Variants in RFX1 observed in about 807,000 individuals in gnomAD.
The protein encoded by RFX1 is regulatory factor X1.
Under a neutral mutation model 119.6 loss-of-function variants are expected in RFX1, and 42 were observed. That is an observed-to-expected ratio of 0.35 (90% CI 0.27 to 0.45). The LOEUF is 0.45. Among genes scored for constraint, RFX1 ranks in the 20% least tolerant of loss-of-function variants. The pLI is 1.00. For missense variants in RFX1, 1,118 were observed against 1,368.1 expected (o/e 0.82, Z 2.88); for synonymous variants, 628 against 618.5 (o/e 1.02, Z -0.23).
In RFX1 at chr19:14,005,648, T is replaced by C. The variant is rs1005438621; in HGVS notation, c.-53+455A>G. On this transcript the variant is annotated intron_variant, in intron 1 of 20. Transcript: ENST00000254325. ...GCTCTTAAGGAAGAAGGGAGTCGCTTAAGGATCTGGAAGGCGGACCGGGTG... is the reference window on the plus strand; with the variant it reads ...GCTCTTAAGGAAGAAGGGAGTCGCTCAAGGATCTGGAAGGCGGACCGGGTG... 3.3e-5 allele frequency among the ~76,000 whole-genome samples: 5 copies of C among 152,164 alleles called. No individual in the cohort carries two copies. The South Asian group carries it at 6.2e-4, about 19-fold the overall frequency.
chr19:13,983,461 AC>A (rs1974495908), intron 3 of RFX1, 24 bp downstream of exon 3: 2 of 1,495,722 alleles, frequency 1.3e-6, no homozygotes, highest in African/African-American at 1.4e-5. Flanking sequence ...GCCCTCCCCC[AC>A]CCCCTGGGAG....
At chr19:13,998,228 T>A (rs758601038) in intron 1 of RFX1, 1 of 152,178 alleles carries the variant, frequency 6.6e-6, no homozygotes, top group Non-Finnish European at 1.5e-5. Context: ...CTCACACCTA[T>A]AATTCCAGCA....
rs751073401 is a variant in RFX1 at position 13,972,912 on chromosome 19, C to G, written c.1145G>C (p.Gly382Ala). The change falls in exon 9 of 21, where the codon GGT becomes GCT. Residue 382 changes from glycine to alanine, a missense_variant. Transcript: ENST00000254325. ...GCCGCCGCCACCACCACTGCCACCA[C>G]CTCCGCTGCTGTTGCTGGCCCCAGC... ...TGAGASNSSG[G>A]GGSGGGGGGG... The G allele has an allele frequency of 1.3e-6, 2 of 1,595,016 alleles. No individual in the cohort carries two copies. The highest frequency in any genetic ancestry group is 3.4e-5 in the Admixed American group (2 of 59,470).
At chr19:13,971,937 C>T (rs761483231) in intron 9 of RFX1, among the ~76,000 whole-genome samples, 6 of 151,968 alleles carry the variant, frequency 3.9e-5, no homozygotes, top group Non-Finnish European at 7.4e-5. Flanking sequence ...ACCCGGGAGG[C>T]GGAGGTCGCA....
intron 2 of RFX1, among the ~76,000 whole-genome samples, chr19:13,992,413 G>T (rs775568635): frequency 6.6e-6 from 1 of 152,204 alleles, no homozygotes; most frequent in Non-Finnish European, 1.5e-5. Flanking sequence ...TGTTTACTGT[G>T]GGAAATGCTC....
intron 1 of RFX1, among the ~76,000 whole-genome samples, chr19:13,994,717 A>ATGTGTGTG (rs1363917481): frequency 9.2e-5 from 10 of 108,316 alleles, no homozygotes; most frequent in African/African-American, 2.8e-4. Context: ...GTCTAAATAT[A>ATGTGTGTG]TATGTGTGTG....
Position 13,970,104 on chromosome 19 carries a change from G to T in RFX1, c.1386C>A (p.His462Gln), listed in dbSNP as rs1260522590. The change falls in exon 10 of 21, where the codon CAC becomes CAA. Residue 462 changes from histidine to glutamine, a missense_variant. His to Gln is a conservative substitution (Grantham distance 24). Transcript: ENST00000254325. ...VSLPRSTLYC[H>Q]YLLHCQEQKL... ...TCTGCTCCTGGCAGTGCAGTAAGTA[G>T]TGGCAGTAGAGGGTGCTCCGTGGCA... The T allele has an allele frequency of 3.7e-6, 6 of 1,613,972 alleles. No individual in the cohort carries two copies. Among genetic ancestry groups the T allele is most frequent in the Non-Finnish European group, 5.1e-6 (6 of 1,180,010 alleles).
chr19:13,996,982 C>T (rs941971518), intron 1 of RFX1, among the ~76,000 whole-genome samples: 2 of 152,132 alleles, frequency 1.3e-5, no homozygotes, highest in African/African-American at 4.8e-5. Context: ...CCTCGGCCTC[C>T]CAAAGTGCTA....
intron 2 of RFX1, among the ~76,000 whole-genome samples, chr19:13,992,304 T>A (rs934819010): frequency 2.0e-5 from 3 of 152,172 alleles, no homozygotes; most frequent in African/African-American, 7.2e-5. Flanking sequence ...TCTAGCCTAA[T>A]GCCCAGGCTG....
Position 13,972,753 on chromosome 19 carries a change from G to A in RFX1, c.1304C>T (p.Ser435Leu), listed in dbSNP as rs1186789874. 7 of 1,595,706 alleles carry A rather than the reference G, an allele frequency of 4.4e-6. No homozygotes were observed. Among genetic ancestry groups the A allele is most frequent in the Non-Finnish European group, 4.3e-6 (5 of 1,169,350 alleles). Residue 435 changes from serine (S) to leucine (L), a missense_variant, in exon 9 of 21, where the codon TCG becomes TTG. Coordinates refer to ENST00000254325, the MANE Select transcript of RFX1 (RefSeq NM_002918.5). The part of the protein sequence containing the change: ...SQSYSHTTRA[S>L]PATVQWLLDN... ...CGTTGGGGCACTTACCGTGGCTGGCGAGGCACGGGTGGTGTGAGAGTAAGA... is the reference window on the plus strand; with the variant it reads ...CGTTGGGGCACTTACCGTGGCTGGCAAGGCACGGGTGGTGTGAGAGTAAGA...
intron 9 of RFX1, 33 bp downstream of exon 9, chr19:13,972,710 T>C: frequency 1.3e-6 from 2 of 1,535,830 alleles, no homozygotes; most frequent in Non-Finnish European, 1.8e-6. Context: ...CACCACTGCC[T>C]GCCTCCTCTG....
In RFX1 at chr19:14,006,216, T is replaced by C. The variant is rs1414619093; in HGVS notation, c.-166A>G. ...CCGGGCCGGGCCTGGGGGGTGGGGG[T>C]GGGGGTCGGCCGGGCGGTTGTTGTT... On this transcript the variant is annotated 5_prime_UTR_variant, in exon 1 of 21. Transcript: ENST00000254325. 1 of 146,544 alleles carries C rather than the reference T, an allele frequency of 6.8e-6. No individual in the cohort carries two copies. The highest frequency in any genetic ancestry group is 2.2e-4 in the South Asian group (1 of 4,458). 9.1% of individuals were successfully genotyped at this position (146,544 alleles called of 1,614,324 possible).
At position 13,993,779 on chromosome 19, in the gene RFX1, G is replaced by A. The variant is rs772264878; in HGVS notation, c.65C>T (p.Pro22Leu). 9 of 1,577,200 alleles carry A rather than the reference G, an allele frequency of 5.7e-6. No individual in the cohort carries two copies. Among genetic ancestry groups the A allele is most frequent in the African/African-American group, 5.4e-5 (4 of 74,052 alleles). ...APPPSQPPQA[P>L]PQAQPQPPPP... is the part of the protein sequence containing the mutation. ...TGGCGGCTGGGGCTGGGCTTGTGGCGGGGCCTGTGGCGGCTGGGATGGTGG... is the reference window on the plus strand; with the variant it reads ...TGGCGGCTGGGGCTGGGCTTGTGGCAGGGCCTGTGGCGGCTGGGATGGTGG... Residue 22 changes from proline to leucine, a missense_variant, in exon 2 of 21, where the codon CCG becomes CTG. Pro to Leu is a moderately conservative substitution (Grantham distance 98, BLOSUM62 -3). Transcript: ENST00000254325.
chr19:13,991,383 T>C lies in RFX1; in HGVS notation c.319+2142A>G, dbSNP rs534490385. On this transcript the variant is annotated intron_variant, in intron 2 of 20. Coordinates refer to ENST00000254325, the MANE Select transcript of RFX1 (RefSeq NM_002918.5). ...GGGGTGCTGAGAACCCACCAGAGGTTTGTGGCCTGAAGACCCTGCCCATGA... is the reference window on the plus strand; with the variant it reads ...GGGGTGCTGAGAACCCACCAGAGGTCTGTGGCCTGAAGACCCTGCCCATGA... Among the ~76,000 whole-genome samples, 4 of 152,298 alleles carry C rather than the reference T, an allele frequency of 2.6e-5. No individual in the cohort carries two copies. In the East Asian group the frequency reaches 7.7e-4, roughly 29 times the overall value.
intron 2 of RFX1, among the ~76,000 whole-genome samples, chr19:13,987,896 T>C (rs1329327575): frequency 3.9e-5 from 6 of 152,156 alleles, no homozygotes; most frequent in Non-Finnish European, 7.4e-5. Flanking sequence ...AGTACCCTCC[T>C]GGGAACACTA....
chr19:13,963,711 G>T lies in RFX1; in HGVS notation c.2397C>A (p.Arg799=). The T allele has an allele frequency of 1.2e-6, 2 of 1,602,428 alleles. No homozygotes were observed. Among genetic ancestry groups the T allele is most frequent in the African/African-American group, 1.3e-5 (1 of 74,742 alleles). The change falls in exon 18 of 21, where the codon CGC becomes CGA. Residue 799 remains arginine (R), a synonymous_variant. Coordinates refer to ENST00000254325, the MANE Select transcript of RFX1 (RefSeq NM_002918.5). The part of the protein sequence containing the change: ...QASWVCRCED[R]VVQRLEQDFK... Reference sequence around the variant, plus strand: ...AGTCCTGCTCCAGCCGCTGCACCACGCGGTCCTCGCAGCGGCACACCCACG... The same window carrying T: ...AGTCCTGCTCCAGCCGCTGCACCACTCGGTCCTCGCAGCGGCACACCCACG...
At chr19:13,995,057 C>T (rs1307867539) in intron 1 of RFX1, among the ~76,000 whole-genome samples, 1 of 150,758 alleles carries the variant, frequency 6.6e-6, no homozygotes, top group Non-Finnish European at 1.5e-5. Context: ...AGGTGTGAGC[C>T]ACCACGCCCG....
chr19:13,991,102 G>A (rs1442359316), intron 2 of RFX1, among the ~76,000 whole-genome samples: 1 of 152,190 alleles, frequency 6.6e-6, no homozygotes, highest in South Asian at 2.1e-4. Context: ...TGGCAGGAGC[G>A]TGTTCTGGAT....
chr19:13,981,777 T>A (rs934931351), intron 5 of RFX1, among the ~76,000 whole-genome samples: 1 of 152,190 alleles, frequency 6.6e-6, no homozygotes, highest in Non-Finnish European at 1.5e-5. Flanking sequence ...TGGAAGAGAC[T>A]GTCCCACCCT....
Sources: allele counts gnomAD v4.1 joint callset (sites outside exome capture counted in the v4.1 genomes callset), GRCh38; gene constraint gnomAD v4.1.1; transcripts MANE v1.5; gene names NCBI Gene and HGNC (gene_info 2026-07-23, HGNC 2026-07-21).